Variants in EFNA2 observed in about 807,000 individuals in gnomAD.
The protein encoded by EFNA2 is ephrin-A2.
A neutral mutation model predicts 19.7 loss-of-function variants in EFNA2; 18 were observed. The ratio of observed to expected loss-of-function variants is 0.91; its 90% CI spans 0.63 to 1.35. The LOEUF is 1.35. EFNA2 is among the 40% of genes most tolerant of loss of function. EFNA2 has a pLI of 0.00. For missense variants in EFNA2, 303 were observed against 296.0 expected (o/e 1.02, Z -0.17); for synonymous variants, 187 against 137.8 (o/e 1.36, Z -2.50).
Position 1,300,524 on chromosome 19 carries a change from G to A in EFNA2, c.*579G>A, listed in dbSNP as rs1206828869. ...CCCCTCTGCTCTGCACCCCACTCGTGGGGGAACACAGCCGCTCCCCTCTGC... is the reference window on the plus strand; with the variant it reads ...CCCCTCTGCTCTGCACCCCACTCGTAGGGGAACACAGCCGCTCCCCTCTGC... On this transcript the variant is annotated 3_prime_UTR_variant, in exon 4 of 4. Transcript: ENST00000215368. Among the ~76,000 whole-genome samples the A allele has an allele frequency of 2.7e-5, 4 of 150,070 alleles. No individual in the cohort carries two copies. The highest frequency in any genetic ancestry group is 4.9e-5 in the African/African-American group (2 of 40,870).
rs1158897653 is a variant in EFNA2, at chr19:1,286,147, G to C, written c.-22G>C. 4.6e-5 allele frequency: 41 copies of C among 898,060 alleles called. No homozygotes were observed. The highest frequency in any genetic ancestry group is 2.5e-4 in the South Asian group (5 of 20,248). The allele number at this position is 898,060 out of a possible 1,614,324, so 55.6% of individuals were successfully genotyped here. On this transcript the variant is annotated 5_prime_UTR_variant, in exon 1 of 4. Transcript: ENST00000215368. This position sits in a 1 kb window ranked among gnomAD's most constrained non-coding sequence, Gnocchi z 5.6. Reference sequence around the variant, plus strand: ...TGGCAGGCGGCGGCCGGGAGAGCGAGCGCGGCGGCCGGACCGGGGCCATGG... The same window carrying C: ...TGGCAGGCGGCGGCCGGGAGAGCGACCGCGGCGGCCGGACCGGGGCCATGG...
chr19:1,284,576 G>A (rs576441748), upstream of EFNA2, among the ~76,000 whole-genome samples: 110 of 152,336 alleles, frequency 7.2e-4, no homozygotes, highest in Non-Finnish European at 1.2e-3. This position sits in a 1 kb window ranked among gnomAD's most constrained non-coding sequence, Gnocchi z 5.3. Context: ...TGTGGCCCGC[G>A]TGGCCCGCTG....
At position 1,296,211 on chromosome 19, in the gene EFNA2, G is replaced by A. The variant is rs938759029; in HGVS notation, c.454+353G>A. Among the ~76,000 whole-genome samples the A allele has an allele frequency of 2.0e-5, 3 of 152,232 alleles. No individual in the cohort carries two copies. The highest frequency in any genetic ancestry group is 2.9e-5 in the Non-Finnish European group (2 of 68,042). On this transcript the variant is annotated intron_variant, in intron 2 of 3. Transcript: ENST00000215368. This position sits in a 1 kb window ranked among gnomAD's most constrained non-coding sequence, Gnocchi z 4.4. Reference sequence around the variant, plus strand: ...ATATGGGGAAACTGAGGCTTGGAGGGGGACTGAGGCTGCACTATTGTGATC... The same window carrying A: ...ATATGGGGAAACTGAGGCTTGGAGGAGGACTGAGGCTGCACTATTGTGATC...
At chr19:1,292,910 G>A (rs1381249803) in intron 1 of EFNA2, among the ~76,000 whole-genome samples, 3 of 152,156 alleles carry the variant, frequency 2.0e-5, no homozygotes, top group African/African-American at 7.2e-5. Context: ...CAGAACAGGA[G>A]GAGAGAACAC....
intron 3 of EFNA2, among the ~76,000 whole-genome samples, chr19:1,299,480 C>T (rs1443989997): frequency 1.3e-5 from 2 of 151,278 alleles, no homozygotes; most frequent in Non-Finnish European, 2.9e-5. Context: ...CGCCTGAACC[C>T]GGGAGGCGGA....
intron 3 of EFNA2, 34 bp from the exon 4 acceptor site, chr19:1,299,790 C>A: frequency 1.3e-6 from 2 of 1,570,472 alleles, no homozygotes; most frequent in Non-Finnish European, 1.7e-6. Context: ...GGGGTTCGGG[C>A]GGCCGCTGAG....
At chr19:1,290,264 C>A (rs535899863) in intron 1 of EFNA2, among the ~76,000 whole-genome samples, 1 of 152,268 alleles carries the variant, frequency 6.6e-6, no homozygotes, top group Admixed American at 6.5e-5. Flanking sequence ...TGCCGAGGCA[C>A]CATGGTCTCT....
rs1377911708 is a variant in EFNA2 at position 1,300,647 on chromosome 19, G to A, written c.*702G>A. Among the ~76,000 whole-genome samples the A allele has an allele frequency of 6.6e-6, 1 of 152,090 alleles. No homozygotes were observed. The highest frequency in any genetic ancestry group is 1.5e-5 in the Non-Finnish European group (1 of 68,010). The stretch of plus-strand genomic sequence containing the variant: ...TCTGAGCCGGAAGGGGTACGTGGTG[G>A]GCGCCCCTCATTGTGGCTGGGGAGA... On this transcript the variant is annotated 3_prime_UTR_variant, in exon 4 of 4. Transcript: ENST00000215368.
chr19:1,286,378 GC>G lies in EFNA2; in HGVS notation c.140+75del, dbSNP rs2081464922. On this transcript the variant is annotated intron_variant, in intron 1 of 3. Transcript: ENST00000215368. The surrounding 1 kb of genome is among the most constrained non-coding windows in gnomAD (Gnocchi z 5.6). ...CCCCCCAAGCCGCGCCCGGCCTCGC[GC>G]CCCCGGAGCTCCGGGCGCCCCCCAC... 3 of 831,856 alleles carry G rather than the reference GC, an allele frequency of 3.6e-6. No homozygotes were observed. The highest frequency in any genetic ancestry group is 1.1e-4 in the South Asian group (2 of 18,454). The allele number at this position is 831,856 out of a possible 1,614,324, so 51.5% of individuals were successfully genotyped here.
rs544741931 is a variant in EFNA2, at chr19:1,299,717, G to A, written c.521-107G>A. The A allele has an allele frequency of 7.1e-6, 10 of 1,417,524 alleles. No individual in the cohort carries two copies. The African/African-American group carries it at 1.4e-4, about 20-fold the overall frequency. 87.8% of individuals were successfully genotyped at this position (1,417,524 alleles called of 1,614,324 possible). A position where few individuals can be genotyped will look rare whatever the true frequency, so the allele number is the denominator to read the frequency against. ...AGAGGGAGCAGAGGGCCTGCCTGGT[G>A]GGGTGATGAGCCCGTTGGGCAGATG... On this transcript the variant is annotated intron_variant, in intron 3 of 3. Transcript: ENST00000215368.
chr19:1,288,869 C>T (rs1169599569), intron 1 of EFNA2, among the ~76,000 whole-genome samples: 1 of 152,180 alleles, frequency 6.6e-6, no homozygotes, highest in African/African-American at 2.4e-5. Context: ...GCTGGGTACC[C>T]CTGAGCTGGC....
upstream of EFNA2, among the ~76,000 whole-genome samples, chr19:1,285,658 C>G (rs1373067795): frequency 1.3e-5 from 2 of 151,712 alleles, no homozygotes; most frequent in Non-Finnish European, 2.9e-5. The surrounding 1 kb of genome is among the most constrained non-coding windows in gnomAD (Gnocchi z 4.1). Flanking sequence ...GCGCCCCCGC[C>G]CCTCGGAGAC....
At position 1,301,137 on chromosome 19, in the gene EFNA2, C is replaced by A. The variant is rs1162317282; in HGVS notation, c.*1192C>A. Among the ~76,000 whole-genome samples the A allele has an allele frequency of 6.6e-6, 1 of 151,086 alleles. No homozygotes were observed. Among genetic ancestry groups the A allele is most frequent in the African/African-American group, 2.4e-5 (1 of 41,242 alleles). On this transcript the variant is annotated 3_prime_UTR_variant, in exon 4 of 4. Coordinates refer to ENST00000215368, the MANE Select transcript of EFNA2 (RefSeq NM_001405.4). Reference sequence around the variant, plus strand: ...ACCAAAAAAAAAAAAAGAAACTCCTCCCCGAAGACACTTTAATGAAGGAAA... The same window carrying A: ...ACCAAAAAAAAAAAAAGAAACTCCTACCCGAAGACACTTTAATGAAGGAAA...
Position 1,299,837 on chromosome 19 carries a change from C to G in EFNA2, c.534C>G (p.Tyr178Ter), listed in dbSNP as rs140490619. 1.2e-6 allele frequency: 2 copies of G among 1,601,946 alleles called. No homozygotes were observed. Among genetic ancestry groups the G allele is most frequent in the African/African-American group, 1.3e-5 (1 of 74,764 alleles). ...VYVRPTNETL[Y>*]EAPEPIFTSN... ...TGCCACCCGCAGACGAGACCCTGTA[C>G]GAGGCTCCTGAGCCCATCTTCACCA... is the stretch of plus-strand genomic sequence containing the variant. Residue 178 changes from tyrosine (Y) to a stop codon, truncating the protein, a stop_gained, in exon 4 of 4, where the codon TAC (tyrosine) becomes TAG (stop). Coordinates refer to ENST00000215368, the MANE Select transcript of EFNA2 (RefSeq NM_001405.4). LOFTEE classifies it high-confidence loss of function.
chr19:1,291,552 C>T (rs1325771508), intron 1 of EFNA2, among the ~76,000 whole-genome samples: 1 of 152,078 alleles, frequency 6.6e-6, no homozygotes, highest in East Asian at 1.9e-4. Flanking sequence ...ACCCGGGCTG[C>T]CTGCTCATCC....
rs1248386992 is a variant in EFNA2, at chr19:1,286,622, A to G, written c.140+314A>G. ...CCTCTGGTACCCTCCGATGCCGGGTAGCCCCTGAGTTGCCTGCCTGGACTT... is the reference window on the plus strand; with the variant it reads ...CCTCTGGTACCCTCCGATGCCGGGTGGCCCCTGAGTTGCCTGCCTGGACTT... On this transcript the variant is annotated intron_variant, in intron 1 of 3. Coordinates refer to ENST00000215368, the MANE Select transcript of EFNA2 (RefSeq NM_001405.4). This position sits in a 1 kb window ranked among gnomAD's most constrained non-coding sequence, Gnocchi z 5.6. Among the ~76,000 whole-genome samples the G allele has an allele frequency of 2.0e-5, 3 of 152,104 alleles. No individual in the cohort carries two copies. Among genetic ancestry groups the G allele is most frequent in the Non-Finnish European group, 2.9e-5 (2 of 67,988 alleles).
chr19:1,285,602 C>T (rs2081459518), upstream of EFNA2, among the ~76,000 whole-genome samples: 1 of 152,008 alleles, frequency 6.6e-6, no homozygotes, highest in Non-Finnish European at 1.5e-5. The surrounding 1 kb of genome is among the most constrained non-coding windows in gnomAD (Gnocchi z 4.1). Flanking sequence ...GGCCCGGGAC[C>T]CAGGGCCGGG....
Position 1,298,590 on chromosome 19 carries a change from G to C in EFNA2, c.494G>C (p.Arg165Pro), listed in dbSNP as rs774179869. 2 of 1,613,866 alleles carry C rather than the reference G, an allele frequency of 1.2e-6. No homozygotes were observed. The highest frequency in any genetic ancestry group is 2.7e-5 in the African/African-American group (2 of 74,886). ...PPNAVDRPCL[R>P]LKVYVRPTNE... The stretch of plus-strand genomic sequence containing the variant: ...AATGCTGTGGACCGGCCCTGCCTGC[G>C]ACTGAAGGTGTACGTGCGGCCGACC... Residue 165 changes from arginine to proline, a missense_variant, in exon 3 of 4, where the codon CGA becomes CCA. Transcript: ENST00000215368.
chr19:1,298,506 C>T, intron 2 of EFNA2, 45 bp from the exon 3 acceptor site: 1 of 1,601,208 alleles, frequency 6.2e-7, no homozygotes, highest in Non-Finnish European at 8.5e-7. Context: ...AGGTCTCAGG[C>T]ACCAAGAGGC....
Sources: allele counts gnomAD v4.1 joint callset (sites outside exome capture counted in the v4.1 genomes callset), GRCh38; gene constraint gnomAD v4.1.1; non-coding constraint Gnocchi (gnomAD v3.1); transcripts MANE v1.5; gene names NCBI Gene and HGNC (gene_info 2026-07-23, HGNC 2026-07-21).